GPM6A: variants seen among roughly 807,000 people sequenced by gnomAD.
The protein encoded by GPM6A is glycoprotein M6A.
A neutral mutation model predicts 32.1 loss-of-function variants in GPM6A; 7 were observed. The ratio of observed to expected loss-of-function variants is 0.22; its 90% confidence interval spans 0.12 to 0.41. The LOEUF (loss-of-function observed/expected upper bound fraction) is 0.41. GPM6A is among the 10% of genes least tolerant of loss of function. The pLI is 1.00. For synonymous variants in GPM6A, 130 were observed against 123.4 expected (o/e 1.05, Z -0.35); for missense variants, 235 against 347.2 (o/e 0.68, Z 2.57).
At chr4:175,735,642 C>G (rs970338818) in intron 1 of GPM6A, among the ~76,000 whole-genome samples, 1 of 152,006 alleles carries the variant, frequency 6.6e-6, no homozygotes, top group Non-Finnish European at 1.5e-5. Flanking sequence ...TCATTGCAAC[C>G]TCCGACTCCA....
chr4:175,922,894 T>C (rs954729263), intron 1 of GPM6A, among the ~76,000 whole-genome samples: 1 of 152,124 alleles, frequency 6.6e-6, no homozygotes, highest in African/African-American at 2.4e-5. Context: ...CATTAACTGA[T>C]GAAAAGAGAT....
intron 1 of GPM6A, among the ~76,000 whole-genome samples, chr4:175,830,611 G>A (rs1735579498): frequency 6.6e-6 from 1 of 152,074 alleles, no homozygotes; most frequent in South Asian, 2.1e-4. Context: ...CTCATAAGTG[G>A]CAATAAATGG....
Position 175,725,664 on chromosome 4 carries a change from C to T in GPM6A, c.38-23897G>A, listed in dbSNP as rs143218875. Among the ~76,000 whole-genome samples the T allele has an allele frequency of 5.5e-3, 829 of 152,106 alleles. 8 individuals are homozygous for T. The highest frequency in any genetic ancestry group is 0.019 in the African/African-American group (770 of 41,494). ...GTTTCCCATCACATTTTCATTCAAA[C>T]GTAAATGATCAGCCTGTATTTCCAA... On this transcript the variant is annotated intron_variant, in intron 1 of 6. Transcript: ENST00000393658.
At chr4:175,901,660 CAA>C (rs1444544712) in intron 1 of GPM6A, among the ~76,000 whole-genome samples, 2 of 106,306 alleles carry the variant, frequency 1.9e-5, no homozygotes, top group Non-Finnish European at 3.5e-5. Context: ...TTTTTTTGGA[CAA>C]AGTCTCACTC....
intron 1 of GPM6A, among the ~76,000 whole-genome samples, chr4:175,713,027 C>T (rs915185730): frequency 2.0e-4 from 30 of 152,022 alleles, no homozygotes; most frequent in Admixed American, 1.7e-3. Context: ...CAAAATTATC[C>T]AAAGAATAGT....
chr4:175,725,166 T>C (rs1222987661), intron 1 of GPM6A, among the ~76,000 whole-genome samples: 1 of 152,126 alleles, frequency 6.6e-6, no homozygotes, highest in Non-Finnish European at 1.5e-5. Context: ...ATTTTAGTGA[T>C]AAAATACATG....
At chr4:175,779,716 A>T (rs1733539701) in intron 1 of GPM6A, among the ~76,000 whole-genome samples, 1 of 152,302 alleles carries the variant, frequency 6.6e-6, no homozygotes, top group South Asian at 2.1e-4. Flanking sequence ...AAATTAACAT[A>T]TCTGCACTTA....
At chr4:175,713,765 C>G (rs541965751) in intron 1 of GPM6A, among the ~76,000 whole-genome samples, 1 of 152,118 alleles carries the variant, frequency 6.6e-6, no homozygotes, top group African/African-American at 2.4e-5. Flanking sequence ...GGAAAAAATT[C>G]GCAGCGTTCA....
intron 1 of GPM6A, among the ~76,000 whole-genome samples, chr4:175,979,904 C>A (rs1490476260): frequency 1.3e-5 from 2 of 152,132 alleles, no homozygotes; most frequent in Non-Finnish European, 2.9e-5. Flanking sequence ...ACATCTACTC[C>A]TCTGCAGTCA....
chr4:175,972,679 C>T (rs1740543895), intron 1 of GPM6A, among the ~76,000 whole-genome samples: 1 of 152,102 alleles, frequency 6.6e-6, no homozygotes, highest in Non-Finnish European at 1.5e-5. Flanking sequence ...TATCACATTA[C>T]CTTTGTTTTG....
In GPM6A at chr4:175,910,043, G is replaced by A. The variant is rs892934276; in HGVS notation, c.-23+92266C>T. Among the ~76,000 whole-genome samples the A allele has an allele frequency of 1.6e-4, 25 of 152,068 alleles. 1 individual carries two copies. On this transcript the variant is annotated intron_variant, in intron 1 of 7. Transcript: ENST00000280187. ...TAGTAAGCTGACCCTGACTTTCTGG[G>A]GGGAAACAGTTCTGATTGGCAGCAT...
At chr4:175,647,383 C>G (rs1249237392) in intron 4 of GPM6A, among the ~76,000 whole-genome samples, 1 of 152,090 alleles carries the variant, frequency 6.6e-6, no homozygotes, top group Non-Finnish European at 1.5e-5. Context: ...TGGAGGATAA[C>G]AGAAATCATA....
chr4:175,719,882 C>A (rs571462061), intron 1 of GPM6A, among the ~76,000 whole-genome samples: 1 of 152,294 alleles, frequency 6.6e-6, no homozygotes, highest in African/African-American at 2.4e-5. Context: ...CTGGCATATG[C>A]TTTGCTCCCT....
chr4:175,670,860 CAT>C (rs1491557932), intron 3 of GPM6A, among the ~76,000 whole-genome samples: 2 of 116,418 alleles, frequency 1.7e-5, no homozygotes, highest in Non-Finnish European at 2.0e-5. Context: ...AATGTTGCTT[CAT>C]TTTTTTTTTT....
chr4:175,813,037 T>G, upstream of GPM6A: 1 of 983,540 alleles, frequency 1.0e-6, no homozygotes, highest in Non-Finnish European at 1.2e-6. Context: ...GAGATACATG[T>G]TTTAAGTAAT....
At chr4:175,666,992 C>A (rs1742789726) in intron 3 of GPM6A, among the ~76,000 whole-genome samples, 2 of 152,218 alleles carry the variant, frequency 1.3e-5, no homozygotes, top group South Asian at 4.1e-4. Flanking sequence ...AGATATTTCC[C>A]TAAACTTTTT....
intron 1 of GPM6A, among the ~76,000 whole-genome samples, chr4:175,757,933 A>T (rs538413249): frequency 6.6e-6 from 1 of 152,332 alleles, no homozygotes; most frequent in South Asian, 2.1e-4. Flanking sequence ...TTAAAAGCCT[A>T]ATATCATGAT....
intron 1 of GPM6A, among the ~76,000 whole-genome samples, chr4:175,703,253 C>A (rs1194767803): frequency 1.3e-5 from 2 of 152,042 alleles, no homozygotes; most frequent in Non-Finnish European, 2.9e-5. Flanking sequence ...CTCACTGCAA[C>A]CTCTGCCTCC....
At chr4:175,750,129 G>T (rs1335285667) in intron 1 of GPM6A, among the ~76,000 whole-genome samples, 2 of 152,042 alleles carry the variant, frequency 1.3e-5, no homozygotes, top group Non-Finnish European at 2.9e-5. Context: ...AGCAATCTCG[G>T]CTCACTGCAA....
Sources: gnomAD v4.1 joint callset for allele counts (sites outside exome capture counted in the v4.1 genomes callset) on GRCh38, gnomAD v4.1.1 for gene constraint, MANE v1.5 for transcripts, NCBI Gene and HGNC (gene_info 2026-07-23, HGNC 2026-07-21) for gene names.